The following OCLN variants were observed in gnomAD, a reference collection of about 807,000 sequenced individuals.
OCLN encodes occludin, also known as phosphatase 1, regulatory subunit 115.
Under a neutral mutation model 47.9 loss-of-function variants are expected in OCLN, and 21 were observed. The observed-to-expected ratio is 0.44, with a 90% CI of 0.31 to 0.63. The LOEUF (loss-of-function observed/expected upper bound fraction) is 0.63, where lower values mean the gene tolerates loss of function less well. OCLN is among the 30% of genes least tolerant of loss of function. The pLI, the probability that OCLN is intolerant of heterozygous loss-of-function variation, is 0.08. For synonymous variants in OCLN, 117 were observed against 198.4 expected (o/e 0.59, Z 3.45); for missense variants, 360 against 571.0 (o/e 0.63, Z 3.77).
chr5:69,513,202 G>C (rs1768833542), intron 3 of OCLN, among the ~76,000 whole-genome samples: 1 of 152,144 alleles, frequency 6.6e-6, no homozygotes, highest in Non-Finnish European at 1.5e-5. Flanking sequence ...CCAGGGTAGA[G>C]GCCTGATATT....
In OCLN at chr5:69,507,208, C is replaced by A. The variant is rs191444052; in HGVS notation, c.51-1933C>A. Among the ~76,000 whole-genome samples the A allele has an allele frequency of 4.5e-3, 680 of 151,806 alleles. 5 individuals are homozygous for A. Among genetic ancestry groups the A allele is most frequent in the African/African-American group, 0.015 (623 of 41,420 alleles). Reference sequence around the variant, plus strand: ...GGAGTGCAGTGGCACAATCTTGGCTCACTGCAACCTCCACTTCCTGGATTC... The same window carrying A: ...GGAGTGCAGTGGCACAATCTTGGCTAACTGCAACCTCCACTTCCTGGATTC... On this transcript the variant is annotated intron_variant, in intron 2 of 8. Transcript: ENST00000396442.
At position 69,555,694 on chromosome 5, in the gene OCLN, A is replaced by G. The variant is rs1269711467; in HGVS notation, c.*2023A>G. On this transcript the variant is annotated 3_prime_UTR_variant, in exon 9 of 9. Transcript: ENST00000396442. ...AATTTTCTGCATGCACATAATACAAAAGGTATTTTCATAGTTTTGGATTTA... is the reference window on the plus strand; with the variant it reads ...AATTTTCTGCATGCACATAATACAAGAGGTATTTTCATAGTTTTGGATTTA... The G allele has an allele frequency of 2.6e-5, 4 of 152,114 alleles. 1 individual carries two copies. Among genetic ancestry groups the G allele is most frequent in the Non-Finnish European group, 2.9e-5 (2 of 68,020 alleles). 9.4% of individuals were successfully genotyped at this position (152,114 alleles called of 1,614,324 possible).
At chr5:69,521,200 G>T (rs1490425715) in intron 4 of OCLN, among the ~76,000 whole-genome samples, 2 of 152,168 alleles carry the variant, frequency 1.3e-5, no homozygotes, top group Non-Finnish European at 2.9e-5. Context: ...TAATGTACAC[G>T]TTGTATGCAG....
At chr5:69,499,830 C>A (rs1768406326) in intron 1 of OCLN, among the ~76,000 whole-genome samples, 1 of 152,200 alleles carries the variant, frequency 6.6e-6, no homozygotes, top group Non-Finnish European at 1.5e-5. Context: ...CGTGATCCAC[C>A]CGCCTCGGCC....
intron 4 of OCLN, among the ~76,000 whole-genome samples, chr5:69,526,384 G>A (rs1208616745): frequency 6.6e-6 from 1 of 152,150 alleles, no homozygotes; most frequent in Non-Finnish European, 1.5e-5. Flanking sequence ...CAGATGATTG[G>A]CTCACAGGCT....
intron 3 of OCLN, among the ~76,000 whole-genome samples, chr5:69,511,059 G>A (rs1455593435): frequency 6.6e-6 from 1 of 151,948 alleles, no homozygotes; most frequent in Admixed American, 6.6e-5. Flanking sequence ...TGGAGAAATG[G>A]CTGTTTAGAC....
chr5:69,505,015 C>T (rs1444453041), intron 2 of OCLN, among the ~76,000 whole-genome samples: 1 of 152,030 alleles, frequency 6.6e-6, no homozygotes, highest in Non-Finnish European at 1.5e-5. Context: ...TTTGGGAGGC[C>T]GAGGCGGGTG....
intron 6 of OCLN, 28 bp from the exon 7 acceptor site, chr5:69,547,902 T>C: frequency 3.5e-6 from 2 of 573,062 alleles, no homozygotes; most frequent in Non-Finnish European, 3.2e-6. Flanking sequence ...AGGATACATA[T>C]GTAGTCATTT....
rs549270445 is a variant in OCLN, at chr5:69,532,911, T to C, written c.892-1783T>C. ...TGAACCCAGGAGGCGGAGGTTACAG[T>C]GAGCCGAGATCGCACCACTGCACTC... On this transcript the variant is annotated intron_variant, in intron 4 of 8. Coordinates refer to ENST00000396442, the MANE Select transcript of OCLN (RefSeq NM_001205254.2). Among the ~76,000 whole-genome samples the C allele has an allele frequency of 4.0e-5, 6 of 151,460 alleles. No individual in the cohort carries two copies. The South Asian group carries it at 1.2e-3, about 32-fold the overall frequency.
chr5:69,533,337 C>T (rs1229555797), intron 4 of OCLN, among the ~76,000 whole-genome samples: 3 of 151,950 alleles, frequency 2.0e-5, no homozygotes, highest in Non-Finnish European at 4.4e-5. Context: ...TTGGGGAGTG[C>T]GCCATGCAAC....
rs57899906 is a variant in OCLN at position 69,500,125 on chromosome 5, C to T, written c.-68-4052C>T. On this transcript the variant is annotated intron_variant, in intron 1 of 8. Coordinates refer to ENST00000396442, the MANE Select transcript of OCLN (RefSeq NM_001205254.2). ...TTGGTCAGCTGCAAATCTGGATAAG[C>T]GTGTCTCCTCCACTTTGTCTGTGTT... Among the ~76,000 whole-genome samples, 431 of 152,296 alleles carry T rather than the reference C, an allele frequency of 2.8e-3. 2 individuals carry two copies. The highest frequency in any genetic ancestry group is 0.01 in the African/African-American group (419 of 41,550).
chr5:69,517,436 G>A (rs752271870), intron 4 of OCLN, among the ~76,000 whole-genome samples: 3 of 151,440 alleles, frequency 2.0e-5, no homozygotes, highest in Middle Eastern at 3.4e-3. Flanking sequence ...TTGGCCTCCC[G>A]AGTAGCTAGG....
At chr5:69,502,092 G>T (rs528864111) in intron 1 of OCLN, among the ~76,000 whole-genome samples, 3 of 152,154 alleles carry the variant, frequency 2.0e-5, no homozygotes, top group Admixed American at 2.0e-4. Context: ...CCAGCTACTC[G>T]GGAGGCTGAG....
chr5:69,525,028 T>C (rs1769238647), intron 4 of OCLN, among the ~76,000 whole-genome samples: 1 of 152,172 alleles, frequency 6.6e-6, no homozygotes, highest in Non-Finnish European at 1.5e-5. Context: ...CCTATACTTG[T>C]GAACATTTCT....
chr5:69,516,935 C>G (rs1768989052), intron 4 of OCLN, among the ~76,000 whole-genome samples: 1 of 152,052 alleles, frequency 6.6e-6, no homozygotes, highest in South Asian at 2.1e-4. Context: ...TGATGTATGC[C>G]TGTAGTCCCA....
intron 4 of OCLN, among the ~76,000 whole-genome samples, chr5:69,518,325 T>C (rs1360862255): frequency 6.6e-6 from 1 of 152,246 alleles, no homozygotes; most frequent in Non-Finnish European, 1.5e-5. Flanking sequence ...GAATAGCAGA[T>C]ATATGATTTT....
chr5:69,537,087 C>T (rs980308170), intron 5 of OCLN, among the ~76,000 whole-genome samples: 1 of 149,662 alleles, frequency 6.7e-6, no homozygotes, highest in African/African-American at 2.5e-5. Flanking sequence ...TACTTGAGCC[C>T]GGGAGCTCAA....
intron 4 of OCLN, among the ~76,000 whole-genome samples, chr5:69,532,844 C>T (rs952969167): frequency 2.0e-5 from 3 of 151,380 alleles, no homozygotes; most frequent in Admixed American, 6.6e-5. Context: ...GGTGGGTGCC[C>T]GTAATCCCAG....
chr5:69,521,632 C>G (rs962959833), intron 4 of OCLN, among the ~76,000 whole-genome samples: 4 of 151,968 alleles, frequency 2.6e-5, no homozygotes, highest in African/African-American at 9.7e-5. Context: ...AGACCCCTAT[C>G]TCTTGAAAAA....
Sources: gnomAD v4.1 joint callset for allele counts (sites outside exome capture counted in the v4.1 genomes callset) on GRCh38, gnomAD v4.1.1 for gene constraint, MANE v1.5 for transcripts, NCBI Gene and HGNC (gene_info 2026-07-23, HGNC 2026-07-21) for gene names.